The following ZMAT4 variants were observed in gnomAD, a reference collection of about 807,000 sequenced individuals.
ZMAT4 encodes the protein zinc finger matrin-type protein 4.
A neutral mutation model predicts 28.7 loss-of-function variants in ZMAT4; 17 were observed. The observed-to-expected ratio is 0.59, with a 90% confidence interval of 0.41 to 0.89. The LOEUF (loss-of-function observed/expected upper bound fraction) is 0.89, where lower values mean the gene tolerates loss of function less well. Ranked by LOEUF, ZMAT4 falls within the 40% of genes least tolerant of loss-of-function variation. The pLI is 0.00. For missense variants in ZMAT4, 240 were observed against 283.8 expected (o/e 0.85, Z 1.11); for synonymous variants, 117 against 109.2 (o/e 1.07, Z -0.44).
At chr8:40,874,170 A>C (rs901345533) in intron 1 of ZMAT4, among the ~76,000 whole-genome samples, 4 of 152,156 alleles carry the variant, frequency 2.6e-5, no homozygotes, top group African/African-American at 9.7e-5. Context: ...TTCATGGCTT[A>C]AGTTCTGAGC....
chr8:40,826,415 A>G (rs1275552212), intron 1 of ZMAT4, among the ~76,000 whole-genome samples: 1 of 152,206 alleles, frequency 6.6e-6, no homozygotes, highest in Non-Finnish European at 1.5e-5. Flanking sequence ...CATAATTTTA[A>G]TAGCACTTAT....
chr8:40,790,450 T>A (rs2150578308), intron 2 of ZMAT4, among the ~76,000 whole-genome samples: 1 of 152,282 alleles, frequency 6.6e-6, no homozygotes, highest in Admixed American at 6.5e-5. Context: ...TCTCATTCTG[T>A]CACCCAGAAT....
intron 3 of ZMAT4, among the ~76,000 whole-genome samples, chr8:40,747,158 TA>T (rs1812276169): frequency 6.6e-6 from 1 of 152,198 alleles, no homozygotes; most frequent in African/African-American, 2.4e-5. Flanking sequence ...CATGATAAAA[TA>T]AAAGAATTAC....
chr8:40,629,635 C>A (rs146868943), intron 5 of ZMAT4, among the ~76,000 whole-genome samples: 2,324 of 150,164 alleles, frequency 0.015, 54 homozygotes, highest in African/African-American at 0.054. Context: ...CAGTTCCCAC[C>A]TATGAGTGAG....
At chr8:40,578,571 GAACA>G (rs1486964423) in intron 6 of ZMAT4, among the ~76,000 whole-genome samples, 3 of 151,922 alleles carry the variant, frequency 2.0e-5, no homozygotes. Context: ...CAAAAGAATT[GAACA>G]AACATTTATC....
chr8:40,692,404 G>C (rs1809701701), intron 4 of ZMAT4, among the ~76,000 whole-genome samples: 1 of 152,184 alleles, frequency 6.6e-6, no homozygotes, highest in African/African-American at 2.4e-5. Context: ...GTTCATAAAA[G>C]CTTATAACTG....
rs36210172 is a variant in ZMAT4 at position 40,708,571 on chromosome 8, T to TTCTCTCTCTCTC, written c.193-11182_193-11171dup. On this transcript the variant is annotated intron_variant, in intron 3 of 6. Coordinates refer to ENST00000297737, the MANE Select transcript of ZMAT4 (RefSeq NM_024645.3). ...CTACACACACACACATACACACTCT[T>TTCTCTCTCTCTC]TCTCTCTCTCTCTCTCTCTCTCTCT... Among the ~76,000 whole-genome samples the TTCTCTCTCTCTC allele has an allele frequency of 9.9e-3, 1,197 of 120,978 alleles. 12 individuals are homozygous for TTCTCTCTCTCTC. The highest frequency in any genetic ancestry group is 0.013 in the African/African-American group (419 of 31,724). The allele number at this position is 120,978 out of a possible 152,430, so 79.4% of individuals were successfully genotyped here. A position where few individuals can be genotyped will look rare whatever the true frequency, so the allele number is the denominator to read the frequency against.
chr8:40,813,144 G>A (rs1234873966), intron 2 of ZMAT4, among the ~76,000 whole-genome samples: 2 of 151,850 alleles, frequency 1.3e-5, no homozygotes, highest in Admixed American at 6.6e-5. Flanking sequence ...TAACCTTCTT[G>A]TAAATCTAAA....
At chr8:40,891,044 AG>A (rs1818650832) in intron 1 of ZMAT4, among the ~76,000 whole-genome samples, 1 of 150,674 alleles carries the variant, frequency 6.6e-6, no homozygotes, top group South Asian at 2.1e-4. Context: ...ATCAAAATCG[AG>A]GGCGGGGGCT....
chr8:40,573,153 TATC>T (rs932105184), intron 6 of ZMAT4, among the ~76,000 whole-genome samples: 5 of 152,194 alleles, frequency 3.3e-5, no homozygotes, highest in Non-Finnish European at 7.3e-5. Context: ...GCATCATCTC[TATC>T]ATCATCATCA....
chr8:40,844,944 A>G (rs1464372871), intron 1 of ZMAT4, among the ~76,000 whole-genome samples: 2 of 152,134 alleles, frequency 1.3e-5, no homozygotes, highest in Non-Finnish European at 2.9e-5. Flanking sequence ...TGTGAGCTCA[A>G]ATAATAAGAT....
intron 3 of ZMAT4, among the ~76,000 whole-genome samples, chr8:40,766,245 A>G (rs982324880): frequency 6.6e-6 from 1 of 152,206 alleles, no homozygotes. Context: ...GTGATATTAT[A>G]GCTACTCTTT....
At chr8:40,693,964 C>T (rs959684457) in intron 4 of ZMAT4, among the ~76,000 whole-genome samples, 2 of 152,192 alleles carry the variant, frequency 1.3e-5, no homozygotes. Context: ...CAGAAATCAC[C>T]CCAGTTCAAG....
chr8:40,612,759 T>C (rs563531821), intron 5 of ZMAT4, among the ~76,000 whole-genome samples: 4 of 136,450 alleles, frequency 2.9e-5, no homozygotes, highest in African/African-American at 1.0e-4. Flanking sequence ...TTATATTTTG[T>C]ATACTTTATT....
intron 5 of ZMAT4, among the ~76,000 whole-genome samples, chr8:40,647,966 G>A (rs1380302242): frequency 6.6e-6 from 1 of 152,162 alleles, no homozygotes; most frequent in African/African-American, 2.4e-5. Flanking sequence ...AAACCACAAA[G>A]ATGGGGAAAA....
chr8:40,782,394 C>A (rs1031882094), intron 2 of ZMAT4, among the ~76,000 whole-genome samples: 1 of 144,604 alleles, frequency 6.9e-6, no homozygotes, highest in African/African-American at 2.5e-5. Context: ...CGAAAACAAG[C>A]AAACAAACAA....
At chr8:40,782,393 G>GGAAA (rs1057514815) in intron 2 of ZMAT4, among the ~76,000 whole-genome samples, 2 of 145,152 alleles carry the variant, frequency 1.4e-5, no homozygotes, top group Non-Finnish European at 3.1e-5. Flanking sequence ...TCGAAAACAA[G>GGAAA]CAAACAAACA....
At position 40,741,724 on chromosome 8, in the gene ZMAT4, A is replaced by G. The variant is rs113947662; in HGVS notation, c.192+25917T>C. On this transcript the variant is annotated intron_variant, in intron 3 of 6. Coordinates refer to ENST00000297737, the MANE Select transcript of ZMAT4 (RefSeq NM_024645.3). ...TCAAAGGCTGTGAAATGTGCATTGC[A>G]TTGAATTGTGGCAATGACAAGTGTC... 9.5e-3 allele frequency among the ~76,000 whole-genome samples: 1,442 copies of G among 152,328 alleles called. 23 individuals carry two copies. Among genetic ancestry groups the G allele is most frequent in the African/African-American group, 0.034 (1,394 of 41,580 alleles).
At chr8:40,832,538 C>T (rs1816324345) in intron 1 of ZMAT4, among the ~76,000 whole-genome samples, 1 of 152,164 alleles carries the variant, frequency 6.6e-6, no homozygotes, top group Non-Finnish European at 1.5e-5. Flanking sequence ...ATGCCCCCTG[C>T]TCACCCATGC....
Sources: allele counts gnomAD v4.1 joint callset (sites outside exome capture counted in the v4.1 genomes callset), GRCh38; gene constraint gnomAD v4.1.1; transcripts MANE v1.5; gene names NCBI Gene and HGNC (gene_info 2026-07-23, HGNC 2026-07-21).